The following XPR1 variants were observed in gnomAD, a reference collection of about 807,000 sequenced individuals.
The protein encoded by XPR1 is xenotropic and polytropic retrovirus receptor 1, also known as solute carrier family 53 member 1.
Under a neutral mutation model 87.5 loss-of-function variants are expected in XPR1, and 28 were observed. The ratio of observed to expected loss-of-function variants is 0.32; its 90% CI spans 0.24 to 0.44. XPR1 has a LOEUF of 0.44. Ranked by LOEUF, XPR1 falls within the 20% of genes least tolerant of loss-of-function variation. The pLI is 1.00. For missense variants in XPR1, 559 were observed against 862.3 expected, an observed-to-expected ratio of 0.65 and a Z score of 4.41; for synonymous variants, 300 against 306.1, an observed-to-expected ratio of 0.98 and a Z score of 0.21.
intron 2 of XPR1, among the ~76,000 whole-genome samples, chr1:180,744,042 A>G (rs1659003478): frequency 1.3e-5 from 2 of 152,112 alleles, no homozygotes; most frequent in African/African-American, 2.4e-5. Flanking sequence ...TTTAACTATT[A>G]TGTCTTAAGA....
At chr1:180,671,698 A>G (rs571106828) in intron 1 of XPR1, among the ~76,000 whole-genome samples, 1 of 152,262 alleles carries the variant, frequency 6.6e-6, no homozygotes, top group South Asian at 2.1e-4. Context: ...TATTTTTAGT[A>G]GAGACAGGGT....
At chr1:180,835,164 TA>T (rs1212239117) in intron 10 of XPR1, 119 bp downstream of exon 10, 1 of 1,095,856 alleles carries the variant, frequency 9.1e-7, no homozygotes, top group East Asian at 2.7e-5. Context: ...ATTATAAACT[TA>T]ATTTAATGTA....
chr1:180,772,451 G>A (rs920785776), intron 2 of XPR1, among the ~76,000 whole-genome samples: 8 of 152,234 alleles, frequency 5.3e-5, no homozygotes, highest in Middle Eastern at 3.4e-3. Context: ...GACTCTACCA[G>A]CAGAGGAGCT....
intron 2 of XPR1, among the ~76,000 whole-genome samples, chr1:180,778,389 C>T (rs1387883162): frequency 3.9e-5 from 6 of 152,188 alleles, no homozygotes; most frequent in Non-Finnish European, 7.3e-5. Flanking sequence ...CTTTGGGAAA[C>T]ACAATGTATT....
intron 11 of XPR1, among the ~76,000 whole-genome samples, chr1:180,850,756 G>A (rs558724444): frequency 1.1e-4 from 16 of 152,130 alleles, no homozygotes; most frequent in African/African-American, 2.2e-4. Flanking sequence ...CCTGGAGTTC[G>A]AGACTAGCTT....
In XPR1 at chr1:180,884,110, C is replaced by A; in HGVS notation, c.*44C>A. ...TAACATCTTTGGTTTTCCTACTCTA[C>A]AATCCTTTCCTCGACCAACGCAACC... On this transcript the variant is annotated 3_prime_UTR_variant, in exon 15 of 15. Transcript: ENST00000367590. The A allele has an allele frequency of 6.3e-7, 1 of 1,590,264 alleles. No individual in the cohort carries two copies. The highest frequency in any genetic ancestry group is 8.6e-7 in the Non-Finnish European group (1 of 1,160,270).
intron 11 of XPR1, among the ~76,000 whole-genome samples, chr1:180,852,821 C>G (rs1651908190): frequency 6.6e-6 from 1 of 152,224 alleles, no homozygotes; most frequent in Non-Finnish European, 1.5e-5. Flanking sequence ...GCCACCACGT[C>G]CAGCCTTCCA....
intron 2 of XPR1, among the ~76,000 whole-genome samples, chr1:180,725,311 G>T (rs1055124199): frequency 6.6e-6 from 1 of 151,330 alleles, no homozygotes; most frequent in Non-Finnish European, 1.5e-5. Flanking sequence ...AATTTTTTTT[G>T]AAGATCTGAC....
chr1:180,786,355 T>C (rs1649140592), intron 2 of XPR1, among the ~76,000 whole-genome samples: 1 of 152,186 alleles, frequency 6.6e-6, no homozygotes, highest in African/African-American at 2.4e-5. Context: ...TCCTAGACAG[T>C]TGGATTATTT....
chr1:180,679,720 A>C (rs1656498294), intron 1 of XPR1, among the ~76,000 whole-genome samples: 1 of 152,330 alleles, frequency 6.6e-6, no homozygotes, highest in East Asian at 1.9e-4. Flanking sequence ...AAAAAACAAA[A>C]ACAAAAACAA....
chr1:180,642,442 CAAT>C (rs1654990391), intron 1 of XPR1, among the ~76,000 whole-genome samples: 1 of 151,652 alleles, frequency 6.6e-6, no homozygotes, highest in Admixed American at 6.6e-5. Flanking sequence ...AATAATAAAA[CAAT>C]AATGAGGATA....
chr1:180,888,950 G>A lies in XPR1; in HGVS notation c.*4884G>A, dbSNP rs945612800. ...ATTAGGTTTGGAAGAGCCTAAGGTA[G>A]TCCATACAGGAAGTTTGCCTGAGAA... On this transcript the variant is annotated 3_prime_UTR_variant, in exon 15 of 15. Transcript: ENST00000367590. The A allele has an allele frequency of 6.6e-6, 1 of 152,218 alleles. No homozygotes were observed. Among genetic ancestry groups the A allele is most frequent in the East Asian group, 1.9e-4 (1 of 5,196 alleles). The allele number at this position is 152,218 out of a possible 1,614,324, so 9.4% of individuals were successfully genotyped here.
intron 1 of XPR1, among the ~76,000 whole-genome samples, chr1:180,632,827 G>A (rs1401106377): frequency 1.3e-5 from 2 of 152,186 alleles, no homozygotes; most frequent in East Asian, 1.9e-4. Flanking sequence ...TTTGTAACGG[G>A]GTTGAAACTT....
At chr1:180,812,959 T>G (rs1169114465) in intron 7 of XPR1, among the ~76,000 whole-genome samples, 2 of 152,044 alleles carry the variant, frequency 1.3e-5, no homozygotes, top group African/African-American at 4.8e-5. Context: ...AGCAGCCATT[T>G]CTTGTTTAGT....
chr1:180,686,546 G>A (rs977596507), intron 2 of XPR1, among the ~76,000 whole-genome samples: 3 of 152,006 alleles, frequency 2.0e-5, no homozygotes, highest in Non-Finnish European at 2.9e-5. Context: ...ATCCTTGTTA[G>A]CTTTCTGTCT....
intron 2 of XPR1, among the ~76,000 whole-genome samples, chr1:180,705,507 G>T (rs1480273208): frequency 6.6e-6 from 1 of 152,156 alleles, no homozygotes; most frequent in Admixed American, 6.5e-5. Context: ...CACAATTGCT[G>T]TGCAGTTCCA....
intron 7 of XPR1, among the ~76,000 whole-genome samples, chr1:180,819,910 C>A (rs1650560347): frequency 1.3e-5 from 2 of 151,730 alleles, no homozygotes; most frequent in African/African-American, 4.8e-5. Flanking sequence ...ATCCCAGGTA[C>A]TTGGGAGGCT....
intron 2 of XPR1, among the ~76,000 whole-genome samples, chr1:180,735,068 A>G (rs1658685215): frequency 6.6e-6 from 1 of 152,232 alleles, no homozygotes; most frequent in Non-Finnish European, 1.5e-5. Flanking sequence ...GGTCTTGAAT[A>G]TGTTTTTATT....
chr1:180,754,529 C>A (rs992630087), intron 2 of XPR1, among the ~76,000 whole-genome samples: 2 of 152,066 alleles, frequency 1.3e-5, no homozygotes, highest in Admixed American at 6.5e-5. Context: ...GGTGCGATCT[C>A]ATCTCACTGC....
Sources: gnomAD v4.1 joint callset for allele counts (sites outside exome capture counted in the v4.1 genomes callset) on GRCh38, gnomAD v4.1.1 for gene constraint, MANE v1.5 for transcripts, NCBI Gene and HGNC (gene_info 2026-07-23, HGNC 2026-07-21) for gene names.